The following COL8A1 variants were observed in gnomAD, a reference collection of about 807,000 sequenced individuals.
The protein encoded by COL8A1 is collagen type VIII alpha 1 chain.
A neutral mutation model predicts 42.7 loss-of-function variants in COL8A1; 21 were observed. That is an observed-to-expected ratio of 0.49 (90% CI 0.35 to 0.71). The LOEUF (loss-of-function observed/expected upper bound fraction) is 0.71. COL8A1 is among the 30% of genes least tolerant of loss of function. The probability of loss-of-function intolerance (pLI) is 0.01; values close to 1 mark genes in which losing one functional copy is unlikely to be tolerated. For missense variants in COL8A1, 788 were observed against 962.4 expected (o/e 0.82, Z 2.40); for synonymous variants, 367 against 369.1 (o/e 0.99, Z 0.06).
intron 1 of COL8A1, among the ~76,000 whole-genome samples, chr3:99,696,099 A>G (rs888786704): frequency 2.6e-5 from 4 of 152,228 alleles, no homozygotes; most frequent in African/African-American, 9.6e-5. Context: ...GCACCACTGC[A>G]CTCCGGCCTG....
At chr3:99,709,035 G>T (rs894330147) in intron 1 of COL8A1, among the ~76,000 whole-genome samples, 1 of 78,132 alleles carries the variant, frequency 1.3e-5, no homozygotes, top group African/African-American at 4.7e-5. Context: ...CCCCACCCCC[G>T]CCCCGACCAA....
chr3:99,755,862 G>A (rs1245434979), intron 2 of COL8A1, among the ~76,000 whole-genome samples: 1 of 152,190 alleles, frequency 6.6e-6, no homozygotes, highest in Non-Finnish European at 1.5e-5. Context: ...CTTGCAGGCT[G>A]TGGAGGGGAG....
intron 1 of COL8A1, among the ~76,000 whole-genome samples, chr3:99,698,374 T>C (rs1939440261): frequency 6.6e-6 from 1 of 152,214 alleles, no homozygotes; most frequent in Admixed American, 6.5e-5. Flanking sequence ...TAGTTCTAGA[T>C]CCTTGAGGAA....
intron 1 of COL8A1, among the ~76,000 whole-genome samples, chr3:99,653,371 G>T (rs1318276150): frequency 6.6e-6 from 1 of 151,880 alleles, no homozygotes; most frequent in Non-Finnish European, 1.5e-5. Context: ...GACATTTTTG[G>T]TCTTTTTTTT....
intron 1 of COL8A1, chr3:99,679,582 G>A (rs999379264): frequency 6.6e-6 from 1 of 152,098 alleles, no homozygotes; most frequent in Non-Finnish European, 1.5e-5. Flanking sequence ...GTCTTGCAAT[G>A]GAAGTCAAAA....
chr3:99,776,723 T>C (rs793488), intron 2 of COL8A1, among the ~76,000 whole-genome samples: 126,566 of 152,250 alleles, frequency 0.83, 52,835 homozygotes, highest in African/African-American at 0.92. Flanking sequence ...CCATAGGCAG[T>C]GCAGCAGCTT....
chr3:99,682,080 A>G (rs748328290), intron 1 of COL8A1, among the ~76,000 whole-genome samples: 2 of 152,196 alleles, frequency 1.3e-5, no homozygotes, highest in African/African-American at 2.4e-5. Context: ...AAGGCCTTTT[A>G]TACAAATCCG....
chr3:99,663,178 T>C (rs538425679), intron 1 of COL8A1, among the ~76,000 whole-genome samples: 1 of 152,324 alleles, frequency 6.6e-6, no homozygotes, highest in East Asian at 1.9e-4. Flanking sequence ...TATTGTTTTT[T>C]GAGAGGTGAG....
intron 2 of COL8A1, among the ~76,000 whole-genome samples, chr3:99,747,338 G>T (rs1435744413): frequency 1.3e-5 from 2 of 152,158 alleles, no homozygotes; most frequent in African/African-American, 4.8e-5. Context: ...CTTACACATA[G>T]TATGTACTAA....
chr3:99,761,267 T>A (rs1446897527), intron 2 of COL8A1, among the ~76,000 whole-genome samples: 2 of 152,176 alleles, frequency 1.3e-5, no homozygotes, highest in African/African-American at 2.4e-5. Context: ...ACACTTACCA[T>A]CTATTGTGGA....
rs564950029 is a variant in COL8A1, at chr3:99,656,340, A to G, written c.-129+17676A>G. 1.8e-4 allele frequency among the ~76,000 whole-genome samples: 28 copies of G among 152,320 alleles called. No homozygotes were observed. In the South Asian group the frequency reaches 4.3e-3, roughly 24 times the overall value. Reference sequence around the variant, plus strand: ...TCATCTCCCTAACACACAGTAGAACACATTATTAACTTTTTGGTTGTCAGC... The same window carrying G: ...TCATCTCCCTAACACACAGTAGAACGCATTATTAACTTTTTGGTTGTCAGC... On this transcript the variant is annotated intron_variant, in intron 1 of 3. Coordinates refer to ENST00000652472, the MANE Select transcript of COL8A1 (RefSeq NM_020351.4).
intron 1 of COL8A1, among the ~76,000 whole-genome samples, chr3:99,737,698 T>C (rs887463728): frequency 3.9e-5 from 6 of 152,150 alleles, no homozygotes; most frequent in Admixed American, 2.0e-4. Flanking sequence ...CTGACAATTA[T>C]GTGTCTCGGA....
At chr3:99,727,134 T>A (rs887863197) in intron 1 of COL8A1, among the ~76,000 whole-genome samples, 1 of 152,210 alleles carries the variant, frequency 6.6e-6, no homozygotes, top group Admixed American at 6.5e-5. Flanking sequence ...TTCACTTCCC[T>A]TGTCAGTTGA....
intron 1 of COL8A1, among the ~76,000 whole-genome samples, chr3:99,664,564 G>C (rs1487564168): frequency 6.6e-6 from 1 of 151,948 alleles, no homozygotes; most frequent in Non-Finnish European, 1.5e-5. Flanking sequence ...AGCTATATTT[G>C]TACCCTGCTC....
chr3:99,648,790 C>T (rs1937738228), intron 1 of COL8A1, among the ~76,000 whole-genome samples: 2 of 152,264 alleles, frequency 1.3e-5, no homozygotes, highest in Middle Eastern at 3.4e-3. Flanking sequence ...AGATTATTCT[C>T]TTTGGCACGA....
intron 1 of COL8A1, among the ~76,000 whole-genome samples, chr3:99,733,501 G>C (rs373856178): frequency 5.3e-5 from 8 of 151,090 alleles, no homozygotes; most frequent in East Asian, 3.9e-4. Context: ...TGGCTGCATA[G>C]TATTCCATGG....
chr3:99,705,470 G>C (rs1939655116), intron 1 of COL8A1, among the ~76,000 whole-genome samples: 1 of 152,162 alleles, frequency 6.6e-6, no homozygotes, highest in African/African-American at 2.4e-5. Flanking sequence ...TGTAAAGAGA[G>C]CACTGGAATC....
At chr3:99,640,090 G>A (rs182179099) in intron 1 of COL8A1, among the ~76,000 whole-genome samples, 9 of 152,138 alleles carry the variant, frequency 5.9e-5, no homozygotes, top group East Asian at 5.8e-4. Flanking sequence ...GAGATGGAGA[G>A]GATTCAATGC....
intron 1 of COL8A1, chr3:99,691,314 T>C (rs1004110666): frequency 1.3e-5 from 2 of 152,174 alleles, no homozygotes; most frequent in Non-Finnish European, 2.9e-5. Flanking sequence ...GTCATCAAAC[T>C]GATAGTCATG....
Sources: allele counts gnomAD v4.1 joint callset (sites outside exome capture counted in the v4.1 genomes callset), GRCh38; gene constraint gnomAD v4.1.1; transcripts MANE v1.5; gene names NCBI Gene and HGNC (gene_info 2026-07-23, HGNC 2026-07-21).